The following MAP3K7CL variants were observed in gnomAD, a reference collection of about 807,000 sequenced individuals.
MAP3K7CL encodes MAP3K7 C-terminal like, also known as MAP3K7 C-terminal-like protein.
In MAP3K7CL, 16 loss-of-function variants were observed where a neutral mutation model predicts 18.6. That is an observed-to-expected ratio of 0.86 (90% CI 0.58 to 1.31). The LOEUF is 1.31. MAP3K7CL is among the 50% of genes most tolerant of loss of function. The pLI, the probability that MAP3K7CL is intolerant of heterozygous loss-of-function variation, is 0.00. For missense variants in MAP3K7CL, 163 were observed against 174.4 expected, an observed-to-expected ratio of 0.93 and a Z score of 0.37; for synonymous variants, 65 against 66.8, an observed-to-expected ratio of 0.97 and a Z score of 0.13.
chr21:29,091,495 A>G (rs1450895617), intron 1 of MAP3K7CL: 6 of 684,966 alleles, frequency 8.8e-6, no homozygotes, highest in Non-Finnish European at 1.3e-5. Context: ...TATTTTTTCA[A>G]TACAGCCCCT....
upstream of MAP3K7CL, among the ~76,000 whole-genome samples, chr21:29,128,524 G>C (rs185615656): frequency 4.6e-5 from 7 of 151,808 alleles, no homozygotes; most frequent in African/African-American, 1.7e-4. Flanking sequence ...GGATGGTCTC[G>C]ATCTCCTGAC....
At chr21:29,141,254 G>A (rs1206124867) in intron 2 of MAP3K7CL, among the ~76,000 whole-genome samples, 1 of 152,106 alleles carries the variant, frequency 6.6e-6, no homozygotes, top group African/African-American at 2.4e-5. Context: ...AGTGGCTCAC[G>A]CCTGTAATCC....
upstream of MAP3K7CL, among the ~76,000 whole-genome samples, chr21:29,084,508 T>A (rs762805944): frequency 1.6e-4 from 24 of 152,210 alleles, no homozygotes; most frequent in Admixed American, 3.3e-4. Context: ...CTGTTCTTAA[T>A]GTTTTGGCTA....
At chr21:29,159,847 A>T in intron 3 of MAP3K7CL, 94 bp from the exon 4 acceptor site, 2 of 914,822 alleles carry the variant, frequency 2.2e-6, no homozygotes, top group Non-Finnish European at 3.4e-6. Flanking sequence ...AGAAGAAGAA[A>T]AAACCTTCGT....
At chr21:29,129,992 G>T (rs894140608), upstream of MAP3K7CL, among the ~76,000 whole-genome samples, 8 of 152,104 alleles carry the variant, frequency 5.3e-5, no homozygotes, top group Non-Finnish European at 1.0e-4. Context: ...CCTATTTTTT[G>T]ATTGGGTTGT....
At chr21:29,149,548 G>A (rs1001839061) in intron 3 of MAP3K7CL, among the ~76,000 whole-genome samples, 1 of 152,140 alleles carries the variant, frequency 6.6e-6, no homozygotes, top group South Asian at 2.1e-4. Context: ...ACTTCGATAT[G>A]GCTGTCTCTA....
upstream of MAP3K7CL, among the ~76,000 whole-genome samples, chr21:29,082,903 T>A (rs1385114595): frequency 2.6e-4 from 39 of 148,438 alleles, no homozygotes. Context: ...CAATATTACT[T>A]AAATTAAGGT....
At position 29,091,530 on chromosome 21, in the gene MAP3K7CL, C is replaced by A. The variant is rs2086028014; in HGVS notation, c.87C>A (p.Cys29Ter). 1.4e-6 allele frequency: 1 copy of A among 700,734 alleles called. No homozygotes were observed. Among genetic ancestry groups the A allele is most frequent in the South Asian group, 1.5e-5 (1 of 67,376 alleles). 43.4% of individuals were successfully genotyped at this position (700,734 alleles called of 1,614,324 possible). ...TTGCTCTGTCACGCAGGCTGGAATG[C>A]AGTGGTGGAATCATGGCTCACTACA... Residue 29 changes from cysteine (C) to a stop codon, truncating the protein, a stop_gained, in exon 2 of 7, where the codon TGC (cysteine) becomes TGA (stop). Transcript: ENST00000286791. LOFTEE classifies it high-confidence loss of function.
At chr21:29,117,274 A>G (rs938591715) in intron 4 of MAP3K7CL, among the ~76,000 whole-genome samples, 1 of 152,184 alleles carries the variant, frequency 6.6e-6, no homozygotes, top group African/African-American at 2.4e-5. Flanking sequence ...CTTCATTCCC[A>G]TTTAGCTGGA....
chr21:29,096,054 G>C (rs1200526253), intron 4 of MAP3K7CL, among the ~76,000 whole-genome samples: 4 of 152,202 alleles, frequency 2.6e-5, no homozygotes, highest in African/African-American at 9.7e-5. Context: ...TGTTTATAGT[G>C]AGAAGTAGGC....
chr21:29,169,324 A>G (rs2087767847), intron 4 of MAP3K7CL, among the ~76,000 whole-genome samples: 1 of 152,158 alleles, frequency 6.6e-6, no homozygotes, highest in African/African-American at 2.4e-5. Context: ...AGCTTCAACA[A>G]CATAGTCTAG....
At chr21:29,120,434 T>C (rs2086572848) in intron 4 of MAP3K7CL, among the ~76,000 whole-genome samples, 1 of 152,194 alleles carries the variant, frequency 6.6e-6, no homozygotes, top group African/African-American at 2.4e-5. Context: ...ACTTTGTAAG[T>C]CTCAGTTAGT....
At chr21:29,103,851 C>T (rs961815770) in intron 4 of MAP3K7CL, among the ~76,000 whole-genome samples, 3 of 152,156 alleles carry the variant, frequency 2.0e-5, no homozygotes, top group Non-Finnish European at 2.9e-5. Context: ...GTGAGCCAAG[C>T]TGTGATTGCT....
At chr21:29,169,729 G>T (rs1215145339) in intron 4 of MAP3K7CL, among the ~76,000 whole-genome samples, 2 of 152,142 alleles carry the variant, frequency 1.3e-5, no homozygotes, top group East Asian at 1.9e-4. Context: ...CTCCTGCAAT[G>T]TAAAGAATCT....
At chr21:29,153,921 A>G (rs2087337911) in intron 3 of MAP3K7CL, among the ~76,000 whole-genome samples, 1 of 152,230 alleles carries the variant, frequency 6.6e-6, no homozygotes, top group Non-Finnish European at 1.5e-5. Context: ...ATCCAAAACT[A>G]TGCTATAACG....
At chr21:29,083,154 A>G (rs567100199), upstream of MAP3K7CL, among the ~76,000 whole-genome samples, 18 of 152,164 alleles carry the variant, frequency 1.2e-4, no homozygotes, top group Non-Finnish European at 2.4e-4. Flanking sequence ...CAATTCCTCA[A>G]TTTTCTTGGC....
chr21:29,082,053 G>T (rs1363777856), upstream of MAP3K7CL, among the ~76,000 whole-genome samples: 2 of 152,092 alleles, frequency 1.3e-5, no homozygotes, highest in Non-Finnish European at 2.9e-5. Context: ...AATAAAACAG[G>T]GATGTTTTGA....
chr21:29,080,334 A>T (rs985320183), intron 1 of MAP3K7CL, among the ~76,000 whole-genome samples: 5 of 152,178 alleles, frequency 3.3e-5, no homozygotes, highest in Admixed American at 2.6e-4. Context: ...TCATGTGAGG[A>T]TTGGAAGGTG....
intron 3 of MAP3K7CL, among the ~76,000 whole-genome samples, chr21:29,159,453 C>CA (rs2087487686): frequency 3.3e-5 from 5 of 152,010 alleles, no homozygotes; most frequent in Non-Finnish European, 7.4e-5. Flanking sequence ...TTTCTTTAGC[C>CA]CAAATGCATT....
Sources: allele counts gnomAD v4.1 joint callset (sites outside exome capture counted in the v4.1 genomes callset), GRCh38; gene constraint gnomAD v4.1.1; transcripts MANE v1.5; gene names NCBI Gene and HGNC (gene_info 2026-07-23, HGNC 2026-07-21).